The following DIP2C variants were observed in gnomAD, a reference collection of about 807,000 sequenced individuals.
The protein encoded by DIP2C is disco-interacting protein 2 homolog C.
DIP2C carries 33 observed loss-of-function variants against 192.4 expected under a neutral mutation model. That is an observed-to-expected ratio of 0.17 (90% confidence interval 0.13 to 0.23). DIP2C has a LOEUF of 0.23. Ranked by LOEUF, DIP2C falls within the 10% of genes least tolerant of loss-of-function variation. The pLI is 1.00. For missense variants in DIP2C, 1,537 were observed against 2,110.1 expected (o/e 0.73, Z 5.32); for synonymous variants, 979 against 864.1 (o/e 1.13, Z -2.33).
intron 1 of DIP2C, among the ~76,000 whole-genome samples, chr10:579,376 CTATG>C (rs1850419609): frequency 6.6e-6 from 1 of 151,876 alleles, no homozygotes; most frequent in Non-Finnish European, 1.5e-5. Flanking sequence ...AACAAGTTCA[CTATG>C]TGTGTACAGT....
intron 3 of DIP2C, among the ~76,000 whole-genome samples, chr10:463,960 G>A (rs1969999382): frequency 6.6e-6 from 1 of 151,940 alleles, no homozygotes; most frequent in South Asian, 2.1e-4. Flanking sequence ...AACTGAAACT[G>A]GACCCCTTCT....
chr10:387,601 G>T, intron 14 of DIP2C, 144 bp downstream of exon 14: 1 of 725,434 alleles, frequency 1.4e-6, no homozygotes, highest in Non-Finnish European at 2.5e-6. Context: ...CAGGGTGGGA[G>T]GGAGACTCCT....
chr10:544,142 G>A (rs12266646), intron 1 of DIP2C, among the ~76,000 whole-genome samples: 15 of 151,004 alleles, frequency 9.9e-5, no homozygotes, highest in South Asian at 4.1e-4. Flanking sequence ...CGCACAGTGC[G>A]TGACCTTTGG....
At chr10:313,762 T>C (rs1405090691) in intron 31 of DIP2C, among the ~76,000 whole-genome samples, 2 of 152,262 alleles carry the variant, frequency 1.3e-5, no homozygotes, top group Admixed American at 1.3e-4. Flanking sequence ...AGAAGTATTA[T>C]ATCAATTAGG....
chr10:439,266 G>A (rs1041635353), intron 4 of DIP2C, among the ~76,000 whole-genome samples: 2 of 141,464 alleles, frequency 1.4e-5, no homozygotes, highest in East Asian at 2.0e-4. Flanking sequence ...TCCCTTGCCC[G>A]CTAGCATTTG....
chr10:504,340 G>A (rs1845441779), intron 1 of DIP2C, among the ~76,000 whole-genome samples: 1 of 152,174 alleles, frequency 6.6e-6, no homozygotes, highest in South Asian at 2.1e-4. Context: ...AATCCATGCA[G>A]GCGTGCCGAG....
chr10:653,690 G>A (rs1313956731), intron 1 of DIP2C, among the ~76,000 whole-genome samples: 1 of 152,146 alleles, frequency 6.6e-6, no homozygotes, highest in Non-Finnish European at 1.5e-5. Context: ...ACATTTCTTT[G>A]GGTGAGAAAG....
At chr10:337,970 G>T (rs368429608) in intron 29 of DIP2C, among the ~76,000 whole-genome samples, 1 of 149,834 alleles carries the variant, frequency 6.7e-6, no homozygotes, top group Admixed American at 6.7e-5. Context: ...GTGTGTGTGC[G>T]TGTGTGTGTG....
At chr10:467,146 A>C (rs1398462086) in intron 3 of DIP2C, among the ~76,000 whole-genome samples, 2 of 152,140 alleles carry the variant, frequency 1.3e-5, no homozygotes, top group Non-Finnish European at 2.9e-5. Context: ...ATGTCCAACA[A>C]TGATAGACTG....
intron 1 of DIP2C, among the ~76,000 whole-genome samples, chr10:578,229 C>T (rs895856990): frequency 1.3e-5 from 2 of 152,180 alleles, no homozygotes; most frequent in African/African-American, 4.8e-5. Context: ...GAAGATACTG[C>T]ATTTGTCATG....
At chr10:379,102 CAG>C (rs1190069857) in intron 17 of DIP2C, among the ~76,000 whole-genome samples, 1 of 150,410 alleles carries the variant, frequency 6.6e-6, no homozygotes, top group Non-Finnish European at 1.5e-5. Context: ...GGCAACCTGA[CAG>C]AGGGCACAGC....
intron 28 of DIP2C, among the ~76,000 whole-genome samples, chr10:341,859 G>A (rs533668308): frequency 1.1e-4 from 17 of 152,236 alleles, no homozygotes; most frequent in Admixed American, 2.6e-4. Flanking sequence ...CCTGGACAAC[G>A]GAGTGAGACC....
intron 1 of DIP2C, among the ~76,000 whole-genome samples, chr10:605,003 G>C (rs1852362319): frequency 6.6e-6 from 1 of 152,214 alleles, no homozygotes; most frequent in Non-Finnish European, 1.5e-5. Flanking sequence ...ATGAAGTGCA[G>C]ACACATCAAA....
intron 1 of DIP2C, among the ~76,000 whole-genome samples, chr10:568,267 C>T (rs1427767611): frequency 6.6e-6 from 1 of 152,170 alleles, no homozygotes; most frequent in African/African-American, 2.4e-5. Context: ...GGATGGAAGC[C>T]ACACAGGACC....
intron 35 of DIP2C, among the ~76,000 whole-genome samples, chr10:282,612 A>G (rs757003132): frequency 2.6e-5 from 4 of 152,262 alleles, no homozygotes; most frequent in Non-Finnish European, 5.9e-5. Flanking sequence ...TTCTGGAATA[A>G]GCAAAGAATT....
chr10:464,794 G>A (rs992480616), intron 3 of DIP2C, among the ~76,000 whole-genome samples: 3 of 152,046 alleles, frequency 2.0e-5, no homozygotes, highest in Admixed American at 2.0e-4. Context: ...TAGAAGAAAT[G>A]GATACATTCC....
chr10:440,742 A>T, intron 4 of DIP2C, 129 bp downstream of exon 4: 1 of 1,345,158 alleles, frequency 7.4e-7, no homozygotes, highest in Non-Finnish European at 9.9e-7. Context: ...CTGTTTTTGG[A>T]CTTCTGGTTC....
intron 29 of DIP2C, among the ~76,000 whole-genome samples, chr10:330,177 T>TG (rs1957440249): frequency 6.6e-6 from 1 of 152,022 alleles, no homozygotes; most frequent in African/African-American, 2.4e-5. Context: ...ACAGCCAGGG[T>TG]GAAAAAAAGA....
chr10:433,654 C>A (rs1966943833), intron 4 of DIP2C, among the ~76,000 whole-genome samples: 1 of 152,106 alleles, frequency 6.6e-6, no homozygotes, highest in Admixed American at 6.5e-5. Flanking sequence ...GCACTCCAGC[C>A]TGGGCCAAGG....
Sources: allele counts gnomAD v4.1 joint callset (sites outside exome capture counted in the v4.1 genomes callset), GRCh38; gene constraint gnomAD v4.1.1; transcripts MANE v1.5; gene names NCBI Gene and HGNC (gene_info 2026-07-23, HGNC 2026-07-21).